The following ALK variants were observed in gnomAD, a reference collection of about 807,000 sequenced individuals.
ALK encodes the protein ALK tyrosine kinase receptor.
ALK carries 74 observed loss-of-function variants against 163.1 expected under a neutral mutation model. The ratio of observed to expected loss-of-function variants is 0.45; its 90% CI spans 0.38 to 0.55. The LOEUF is 0.55. Among genes scored for constraint, ALK ranks in the 20% least tolerant of loss-of-function variants. The pLI is 0.00. For missense variants in ALK, 2,063 were observed against 2,105.3 expected, an observed-to-expected ratio of 0.98 and a Z score of 0.39; for synonymous variants, 960 against 843.2, an observed-to-expected ratio of 1.14 and a Z score of -2.40.
chr2:29,230,081 T>C (rs1664152061), intron 15 of ALK, among the ~76,000 whole-genome samples: 1 of 152,172 alleles, frequency 6.6e-6, no homozygotes, highest in Non-Finnish European at 1.5e-5. Flanking sequence ...TCTACAGTTG[T>C]CCCTCAGTAT....
intron 1 of ALK, among the ~76,000 whole-genome samples, chr2:29,865,237 G>A (rs1409812944): frequency 1.3e-5 from 2 of 152,160 alleles, no homozygotes; most frequent in Non-Finnish European, 2.9e-5. Flanking sequence ...AAAGAAATGT[G>A]TTTAGGATTT....
chr2:29,280,719 A>G (rs1487269732), intron 9 of ALK, among the ~76,000 whole-genome samples: 1 of 150,718 alleles, frequency 6.6e-6, no homozygotes. Flanking sequence ...GGATTGAGGG[A>G]AAGTTCTGGC....
chr2:29,664,523 T>C (rs544029844), intron 3 of ALK, among the ~76,000 whole-genome samples: 23 of 152,184 alleles, frequency 1.5e-4, no homozygotes, highest in Non-Finnish European at 2.5e-4. Context: ...ATACTCTTCT[T>C]CCATCACTAT....
At chr2:29,700,801 C>T (rs1001589478) in intron 2 of ALK, among the ~76,000 whole-genome samples, 13 of 152,176 alleles carry the variant, frequency 8.5e-5, no homozygotes, top group Admixed American at 4.6e-4. Flanking sequence ...CAGAAAACCA[C>T]GGTGGTGACC....
chr2:29,661,161 T>C (rs1464662138), intron 3 of ALK, among the ~76,000 whole-genome samples: 1 of 152,168 alleles, frequency 6.6e-6, no homozygotes, highest in African/African-American at 2.4e-5. Context: ...TAAAACAAGA[T>C]ATTATTATTC....
intron 4 of ALK, among the ~76,000 whole-genome samples, chr2:29,401,535 T>C (rs965166644): frequency 6.6e-6 from 1 of 152,188 alleles, no homozygotes; most frequent in Non-Finnish European, 1.5e-5. Flanking sequence ...TCCTAACACA[T>C]CTGGTACTTG....
chr2:29,386,353 G>A (rs1217355898), intron 4 of ALK, among the ~76,000 whole-genome samples: 1 of 152,174 alleles, frequency 6.6e-6, no homozygotes, highest in Non-Finnish European at 1.5e-5. Flanking sequence ...TAAAACTGGT[G>A]CAATTGAAGG....
At chr2:29,354,370 G>C (rs1668191502) in intron 5 of ALK, among the ~76,000 whole-genome samples, 1 of 152,160 alleles carries the variant, frequency 6.6e-6, no homozygotes, top group African/African-American at 2.4e-5. Context: ...CCAGATCTGG[G>C]CCCATCAGAT....
chr2:29,393,926 A>C (rs983132656), intron 4 of ALK, among the ~76,000 whole-genome samples: 2 of 152,234 alleles, frequency 1.3e-5, no homozygotes, highest in Non-Finnish European at 2.9e-5. Flanking sequence ...CAGGAAACAA[A>C]TCTTAAAAAC....
chr2:29,334,696 C>A (rs529740130), intron 5 of ALK, among the ~76,000 whole-genome samples: 1 of 152,214 alleles, frequency 6.6e-6, no homozygotes, highest in Non-Finnish European at 1.5e-5. Flanking sequence ...GTTTTCAGCA[C>A]TGCTACCAAC....
In ALK at chr2:29,531,962, G is replaced by T. The variant is rs114429299; in HGVS notation, c.1107C>A (p.Asn369Lys). 2 of 1,614,170 alleles carry T rather than the reference G, an allele frequency of 1.2e-6. No individual in the cohort carries two copies. The highest frequency in any genetic ancestry group is 2.2e-5 in the East Asian group (1 of 44,878). Reference protein sequence around the residue: ...GRYIAQLLPHNEAAREILLMP... With the variant: ...GRYIAQLLPHKEAAREILLMP... Reference sequence around the variant, plus strand: ...TCAGGAGGATCTCTCTTGCAGCCTCGTTGTGGGGCAGCAGCTGGGCAATGT... The same window carrying T: ...TCAGGAGGATCTCTCTTGCAGCCTCTTTGTGGGGCAGCAGCTGGGCAATGT... Residue 369 changes from asparagine to lysine, a missense_variant, in exon 4 of 29, where the codon AAC becomes AAA. Around this residue, in one of 5 missense-constraint regions of ALK, gnomAD observed 987 missense variants for 939.5 expected, o/e 1.05. Coordinates refer to ENST00000389048, the MANE Select transcript of ALK (RefSeq NM_004304.5).
intron 1 of ALK, among the ~76,000 whole-genome samples, chr2:29,745,529 G>T (rs944249806): frequency 1.3e-5 from 2 of 152,200 alleles, no homozygotes; most frequent in Non-Finnish European, 2.9e-5. Context: ...CTCTCAATTT[G>T]TTTGGAGTAC....
At chr2:29,351,178 C>T (rs1668102274) in intron 5 of ALK, among the ~76,000 whole-genome samples, 1 of 152,276 alleles carries the variant, frequency 6.6e-6, no homozygotes, top group East Asian at 1.9e-4. Context: ...TTTGAATTAA[C>T]ATATAGAGTT....
intron 4 of ALK, among the ~76,000 whole-genome samples, chr2:29,390,975 C>T (rs114831174): frequency 0.017 from 2,554 of 152,142 alleles, 65 homozygotes; most frequent in African/African-American, 0.059. Flanking sequence ...GGTTTCAGGT[C>T]GAAAGGGGAT....
intron 4 of ALK, among the ~76,000 whole-genome samples, chr2:29,423,917 C>A (rs13394569): frequency 6.6e-6 from 1 of 152,170 alleles, no homozygotes; most frequent in Non-Finnish European, 1.5e-5. Flanking sequence ...CTAGCATTTT[C>A]TTTGACCAGC....
intron 1 of ALK, among the ~76,000 whole-genome samples, chr2:29,767,893 T>C (rs566764471): frequency 1.3e-5 from 2 of 152,276 alleles, no homozygotes; most frequent in East Asian, 1.9e-4. Flanking sequence ...CCAAGGAACA[T>C]TGTTTGTCTT....
At chr2:29,852,881 C>G (rs1666039717) in intron 1 of ALK, among the ~76,000 whole-genome samples, 1 of 150,208 alleles carries the variant, frequency 6.7e-6, no homozygotes. Context: ...TGCTCTCTAC[C>G]ATGTGAAGAT....
rs1313071479 is a variant in ALK at position 29,531,974 on chromosome 2, C to G, written c.1095G>C (p.Leu365=). 1 of 1,614,162 alleles carries G rather than the reference C, an allele frequency of 6.2e-7. No homozygotes were observed. Among genetic ancestry groups the G allele is most frequent in the Non-Finnish European group, 8.5e-7 (1 of 1,180,012 alleles). The part of the protein sequence containing the change: ...LQPSGRYIAQ[L]LPHNEAAREI... ...CTCTTGCAGCCTCGTTGTGGGGCAGCAGCTGGGCAATGTACCTTCCAGAGG... is the reference window on the plus strand; with the variant it reads ...CTCTTGCAGCCTCGTTGTGGGGCAGGAGCTGGGCAATGTACCTTCCAGAGG... The change falls in exon 4 of 29, where the codon CTG becomes CTC. Residue 365 remains leucine, a synonymous_variant. Coordinates refer to ENST00000389048, the MANE Select transcript of ALK (RefSeq NM_004304.5).
At chr2:29,469,462 TTC>T (rs1671295272) in intron 4 of ALK, among the ~76,000 whole-genome samples, 1 of 152,174 alleles carries the variant, frequency 6.6e-6, no homozygotes, top group Admixed American at 6.5e-5. Flanking sequence ...TTTCAGGGTG[TTC>T]TCTCTCAGAA....
Sources: gnomAD v4.1 joint callset for allele counts (sites outside exome capture counted in the v4.1 genomes callset) on GRCh38, gnomAD v4.1.1 for gene constraint, gnomAD v4.1.1 regional missense constraint, MANE v1.5 for transcripts, NCBI Gene and HGNC (gene_info 2026-07-23, HGNC 2026-07-21) for gene names.